The following GNAQ variants were observed in gnomAD, a reference collection of about 807,000 sequenced individuals.
The protein encoded by GNAQ is guanine nucleotide-binding protein G(q) subunit alpha.
A neutral mutation model predicts 43.9 loss-of-function variants in GNAQ; 8 were observed. That is an observed-to-expected ratio of 0.18 (90% confidence interval 0.11 to 0.33). GNAQ has a LOEUF of 0.33. Ranked by LOEUF, GNAQ falls within the 10% of genes least tolerant of loss-of-function variation. GNAQ has a pLI of 1.00. For synonymous variants in GNAQ, 155 were observed against 170.7 expected, an observed-to-expected ratio of 0.91 and a Z score of 0.71; for missense variants, 158 against 450.8, an observed-to-expected ratio of 0.35 and a Z score of 5.88.
At chr9:77,773,859 C>T (rs1057479722) in intron 5 of GNAQ, among the ~76,000 whole-genome samples, 2 of 152,114 alleles carry the variant, frequency 1.3e-5, no homozygotes, top group African/African-American at 4.8e-5. Flanking sequence ...GAACATTTCA[C>T]GAAATCCAGA....
chr9:77,856,909 G>C (rs1427664595), intron 2 of GNAQ, among the ~76,000 whole-genome samples: 3 of 152,136 alleles, frequency 2.0e-5, no homozygotes. Context: ...TGTTTGTTTA[G>C]CTGAAAGGGA....
chr9:77,911,696 T>G (rs12351415), intron 2 of GNAQ, among the ~76,000 whole-genome samples: 2,019 of 152,222 alleles, frequency 0.013, 55 homozygotes, highest in African/African-American at 0.047. Flanking sequence ...CAAAATCCGG[T>G]GCTGTAGAGC....
intron 1 of GNAQ, among the ~76,000 whole-genome samples, chr9:77,993,650 C>A (rs896334766): frequency 3.3e-5 from 5 of 151,514 alleles, no homozygotes; most frequent in Non-Finnish European, 5.9e-5. Context: ...TTCAGTAAAC[C>A]AAGATTGGGC....
At chr9:77,928,395 A>G (rs2118296970) in intron 1 of GNAQ, among the ~76,000 whole-genome samples, 1 of 152,334 alleles carries the variant, frequency 6.6e-6, no homozygotes, top group South Asian at 2.1e-4. Context: ...AATTTAGTAT[A>G]ACCAACTACA....
chr9:77,783,916 G>A (rs1209391247), intron 5 of GNAQ, among the ~76,000 whole-genome samples: 1 of 152,008 alleles, frequency 6.6e-6, no homozygotes, highest in African/African-American at 2.4e-5. Context: ...AAAAATTCTT[G>A]ATGACAAAAG....
intron 5 of GNAQ, among the ~76,000 whole-genome samples, chr9:77,787,445 A>G (rs1826499008): frequency 6.6e-6 from 1 of 152,170 alleles, no homozygotes; most frequent in Admixed American, 6.5e-5. Flanking sequence ...TGTGTATTTC[A>G]CAATTAAAAA....
chr9:78,020,348 T>C (rs1823893179), intron 1 of GNAQ, among the ~76,000 whole-genome samples: 1 of 152,050 alleles, frequency 6.6e-6, no homozygotes, highest in African/African-American at 2.4e-5. Context: ...GGAGGAAACA[T>C]GTTGCAAATT....
chr9:77,717,814 C>T lies in GNAQ; in HGVS notation c.*3509G>A, dbSNP rs1201365830. On this transcript the variant is annotated 3_prime_UTR_variant, in exon 7 of 7. Coordinates refer to ENST00000286548, the MANE Select transcript of GNAQ (RefSeq NM_002072.5). ...TGCTAGTAAACAACATATGCAGGTTCTTAAAATTTTTTTTTCCAGTCTATT... is the reference window on the plus strand; with the variant it reads ...TGCTAGTAAACAACATATGCAGGTTTTTAAAATTTTTTTTTCCAGTCTATT... 1 of 231,676 alleles carries T rather than the reference C, an allele frequency of 4.3e-6. No individual in the cohort carries two copies. Among genetic ancestry groups the T allele is most frequent in the African/African-American group, 2.2e-5 (1 of 45,150 alleles). 14.4% of individuals were successfully genotyped at this position (231,676 alleles called of 1,614,324 possible). A position where few individuals can be genotyped will look rare whatever the true frequency, so the allele number is the denominator to read the frequency against.
intron 5 of GNAQ, among the ~76,000 whole-genome samples, chr9:77,737,778 A>G (rs1825596421): frequency 6.6e-6 from 1 of 152,292 alleles, no homozygotes; most frequent in African/African-American, 2.4e-5. Flanking sequence ...ACTTCAATGG[A>G]CCCATTAGCA....
chr9:78,024,719 G>A (rs901007087), intron 1 of GNAQ, among the ~76,000 whole-genome samples: 2 of 152,018 alleles, frequency 1.3e-5, no homozygotes, highest in African/African-American at 2.4e-5. Flanking sequence ...CTTTCCTGTC[G>A]GCAAATAAGA....
At chr9:77,942,490 G>A (rs551796629) in intron 1 of GNAQ, among the ~76,000 whole-genome samples, 9 of 152,190 alleles carry the variant, frequency 5.9e-5, no homozygotes, top group African/African-American at 1.9e-4. Flanking sequence ...TGGCTGGACA[G>A]AGCAGAAACA....
At chr9:77,889,945 T>G (rs1828374399) in intron 2 of GNAQ, among the ~76,000 whole-genome samples, 1 of 152,198 alleles carries the variant, frequency 6.6e-6, no homozygotes, top group African/African-American at 2.4e-5. Context: ...ATTGTATTAA[T>G]TTTACATGCA....
chr9:77,855,255 A>C (rs1187995953), intron 2 of GNAQ, among the ~76,000 whole-genome samples: 4 of 152,206 alleles, frequency 2.6e-5, no homozygotes, highest in Admixed American at 2.0e-4. Flanking sequence ...ATTAGGATAA[A>C]GAAAGGAAAA....
intron 3 of GNAQ, among the ~76,000 whole-genome samples, chr9:77,807,825 A>C (rs1359122021): frequency 2.6e-5 from 4 of 152,192 alleles, no homozygotes; most frequent in Non-Finnish European, 5.9e-5. Flanking sequence ...CAGATAGTAA[A>C]TATAAATATT....
intron 1 of GNAQ, among the ~76,000 whole-genome samples, chr9:77,989,762 G>A (rs991725660): frequency 1.3e-4 from 20 of 152,104 alleles, no homozygotes; most frequent in Admixed American, 6.6e-5. Flanking sequence ...AGAAGTGGGT[G>A]TTTCTGCTAC....
intron 3 of GNAQ, among the ~76,000 whole-genome samples, chr9:77,807,900 G>C (rs1383537102): frequency 6.6e-6 from 1 of 152,138 alleles, no homozygotes; most frequent in East Asian, 1.9e-4. Flanking sequence ...GTCCAAAGCA[G>C]CTATACACAA....
intron 1 of GNAQ, among the ~76,000 whole-genome samples, chr9:77,991,492 T>G (rs997260931): frequency 1.3e-5 from 2 of 152,234 alleles, no homozygotes; most frequent in African/African-American, 4.8e-5. Context: ...TTTTCTAATA[T>G]TCTACCTCCA....
intron 5 of GNAQ, among the ~76,000 whole-genome samples, chr9:77,737,002 C>T (rs1056406489): frequency 2.6e-5 from 4 of 152,166 alleles, no homozygotes; most frequent in Non-Finnish European, 5.9e-5. Context: ...GTCAGGGATC[C>T]GAAGTCTATC....
intron 1 of GNAQ, among the ~76,000 whole-genome samples, chr9:77,971,418 A>C (rs895200132): frequency 2.6e-5 from 4 of 152,190 alleles, no homozygotes; most frequent in Non-Finnish European, 5.9e-5. Context: ...GCACATCAAA[A>C]AGCTTATCTA....
Sources: allele counts gnomAD v4.1 joint callset (sites outside exome capture counted in the v4.1 genomes callset), GRCh38; gene constraint gnomAD v4.1.1; transcripts MANE v1.5; gene names NCBI Gene and HGNC (gene_info 2026-07-23, HGNC 2026-07-21).